BPTF: variants seen among roughly 807,000 people sequenced by gnomAD.
The protein encoded by BPTF is nucleosome-remodeling factor subunit BPTF.
Under a neutral mutation model 292.5 loss-of-function variants are expected in BPTF, and 18 were observed. That is an observed-to-expected ratio of 0.06 (90% CI 0.04 to 0.09). The LOEUF (loss-of-function observed/expected upper bound fraction) is 0.09, where lower values mean the gene tolerates loss of function less well. Among genes scored for constraint, BPTF ranks in the 10% least tolerant of loss-of-function variants. The pLI, the probability that BPTF is intolerant of heterozygous loss-of-function variation, is 1.00. For synonymous variants in BPTF, 1,225 were observed against 1,251.9 expected (o/e 0.98, Z 0.45); for missense variants, 2,726 against 3,498.7 (o/e 0.78, Z 5.57).
chr17:67,974,164 C>T (rs1022740596), intron 26 of BPTF: 12 of 152,160 alleles, frequency 7.9e-5, no homozygotes, highest in Non-Finnish European at 1.5e-4. Flanking sequence ...CTTTCACTCT[C>T]TCAGATATTT....
chr17:67,981,453 C>T (rs2070348126), intron 27 of BPTF: 5 of 1,239,902 alleles, frequency 4.0e-6, no homozygotes, highest in Non-Finnish European at 5.2e-6. Flanking sequence ...TATCTTTAGT[C>T]TGAATTTTTA....
chr17:67,863,616 C>T (rs1233157428), intron 2 of BPTF, among the ~76,000 whole-genome samples: 1 of 152,164 alleles, frequency 6.6e-6, no homozygotes, highest in African/African-American at 2.4e-5. Context: ...CACCTTGGGT[C>T]CTCTCCTTTT....
rs782410441 is a variant in BPTF, at chr17:67,975,975, G to A, written c.8726+17G>A. On this transcript the variant is annotated intron_variant, in intron 27 of 27. Transcript: ENST00000306378. ...AGCTAGCAGGTGAGCAGATGGGTTC[G>A]GTATTCTGAATTAATTCAACTCTTC... 2.5e-6 allele frequency: 4 copies of A among 1,589,628 alleles called. No homozygotes were observed. The highest frequency in any genetic ancestry group is 1.7e-4 in the Middle Eastern group (1 of 5,940).
At chr17:67,966,804 A>G (rs2068147983) in intron 26 of BPTF, 148 bp downstream of exon 26, 2 of 730,290 alleles carry the variant, frequency 2.7e-6, no homozygotes, top group East Asian at 6.6e-5. Context: ...GTTAGTATCT[A>G]TTAAAGTTTA....
At chr17:67,827,729 A>T (rs560235854) in intron 1 of BPTF, among the ~76,000 whole-genome samples, 79 of 152,294 alleles carry the variant, frequency 5.2e-4, no homozygotes, top group African/African-American at 1.9e-3. Flanking sequence ...GTAGGGTAGT[A>T]TTAAGCCAAA....
chr17:67,925,429 C>G (rs1292494935), intron 15 of BPTF, among the ~76,000 whole-genome samples: 1 of 152,050 alleles, frequency 6.6e-6, no homozygotes, highest in Non-Finnish European at 1.5e-5. Context: ...TTTGGAAGTC[C>G]AAGGCAGGAG....
chr17:67,982,551 G>GA lies in BPTF; in HGVS notation c.*272dup, dbSNP rs1437303994. On this transcript the variant is annotated 3_prime_UTR_variant, in exon 28 of 28. Transcript: ENST00000306378. Reference sequence around the variant, plus strand: ...CAGAAGCGAGAAAACTTTGTTTATTGAAAAAAAAAGAAAAAGAAAGCAAGA... The same window carrying GA: ...CAGAAGCGAGAAAACTTTGTTTATTGAAAAAAAAAAGAAAAAGAAAGCAAGA... 736 of 324,228 alleles carry GA rather than the reference G, an allele frequency of 2.3e-3. 1 individual carries two copies. The highest frequency in any genetic ancestry group is 3.5e-3 in the Middle Eastern group (4 of 1,150). The allele number at this position is 324,228 out of a possible 1,614,324, so 20.1% of individuals were successfully genotyped here. A position where few individuals can be genotyped will look rare whatever the true frequency, so the allele number is the denominator to read the frequency against.
chr17:67,837,009 C>T (rs914496894), intron 1 of BPTF, among the ~76,000 whole-genome samples: 1 of 152,180 alleles, frequency 6.6e-6, no homozygotes, highest in Non-Finnish European at 1.5e-5. Context: ...GCTTTAATAG[C>T]ATGAGTTGTG....
At chr17:67,897,963 A>G (rs185340906) in intron 7 of BPTF, among the ~76,000 whole-genome samples, 3 of 152,258 alleles carry the variant, frequency 2.0e-5, no homozygotes, top group East Asian at 1.9e-4. Context: ...AAATATTGGT[A>G]TGCAGATATA....
At chr17:67,929,214 T>A in intron 16 of BPTF, 122 bp from the exon 17 acceptor site, 1 of 1,451,856 alleles carries the variant, frequency 6.9e-7, no homozygotes, top group South Asian at 1.5e-5. Flanking sequence ...TCCTCGGATC[T>A]CACATTCTAT....
intron 19 of BPTF, among the ~76,000 whole-genome samples, chr17:67,942,759 A>T (rs2065479931): frequency 6.6e-6 from 1 of 152,240 alleles, no homozygotes; most frequent in Non-Finnish European, 1.5e-5. Context: ...AGTAAATTGT[A>T]GTATATTCCT....
At chr17:67,919,064 C>T (rs1335467260) in intron 12 of BPTF, among the ~76,000 whole-genome samples, 2 of 150,964 alleles carry the variant, frequency 1.3e-5, no homozygotes, top group Non-Finnish European at 3.0e-5. Context: ...CCCAGCTACT[C>T]GGGAGGCTGA....
rs1486062413 is a variant in BPTF at position 67,895,166 on chromosome 17, G to A, written c.2543+1001G>A. On this transcript the variant is annotated intron_variant, in intron 7 of 27. Transcript: ENST00000306378. ...AATCCCAGCACCTAGGGAGACCGAG[G>A]TACTAAAAACACAAAAATTAGCTGG... Among the ~76,000 whole-genome samples, 4 of 151,650 alleles carry A rather than the reference G, an allele frequency of 2.6e-5. No individual in the cohort carries two copies. The East Asian group carries it at 7.8e-4, about 29-fold the overall frequency.
chr17:67,949,305 C>T (rs2066054453), intron 23 of BPTF, among the ~76,000 whole-genome samples: 1 of 152,120 alleles, frequency 6.6e-6, no homozygotes, highest in Non-Finnish European at 1.5e-5. Context: ...GCAGAGGTTG[C>T]AGTGAGCCTT....
chr17:67,831,417 A>G (rs2056665581), intron 1 of BPTF, among the ~76,000 whole-genome samples: 2 of 152,222 alleles, frequency 1.3e-5, no homozygotes, highest in Admixed American at 1.3e-4. Context: ...GTTGGGCAAT[A>G]TGATTTGTGA....
At chr17:67,935,077 A>G (rs2064801318) in intron 18 of BPTF, among the ~76,000 whole-genome samples, 1 of 152,128 alleles carries the variant, frequency 6.6e-6, no homozygotes, top group African/African-American at 2.4e-5. Context: ...AAAACAAACC[A>G]AAAATACCTC....
At chr17:67,903,069 G>C (rs1216569806) in intron 7 of BPTF, among the ~76,000 whole-genome samples, 1 of 152,240 alleles carries the variant, frequency 6.6e-6, no homozygotes, top group Non-Finnish European at 1.5e-5. Flanking sequence ...GCCGATGCCT[G>C]TGTCTCATGA....
At chr17:67,906,518 G>A (rs374085799) in intron 9 of BPTF, among the ~76,000 whole-genome samples, 1 of 152,106 alleles carries the variant, frequency 6.6e-6, no homozygotes, top group Non-Finnish European at 1.5e-5. Flanking sequence ...ATTATTTCAC[G>A]AGGGTGCCAG....
At chr17:67,965,783 G>A (rs1245226127) in intron 25 of BPTF, 1 of 151,622 alleles carries the variant, frequency 6.6e-6, no homozygotes, top group Non-Finnish European at 1.5e-5. Context: ...GAAAGCCAGT[G>A]TGGTTGCTCA....
Sources: gnomAD v4.1 joint callset for allele counts (sites outside exome capture counted in the v4.1 genomes callset) on GRCh38, gnomAD v4.1.1 for gene constraint, MANE v1.5 for transcripts, NCBI Gene and HGNC (gene_info 2026-07-23, HGNC 2026-07-21) for gene names.